Variants in ANO10 observed in about 807,000 individuals in gnomAD.
ANO10 encodes anoctamin 10.
Under a neutral mutation model 74.7 loss-of-function variants are expected in ANO10, and 77 were observed. That is an observed-to-expected ratio of 1.03 (90% CI 0.86 to 1.25). ANO10 has a LOEUF of 1.25. ANO10 is among the 50% of genes most tolerant of loss of function. The pLI is 0.00. For missense variants in ANO10, 721 were observed against 778.1 expected, an observed-to-expected ratio of 0.93 and a Z score of 0.87; for synonymous variants, 279 against 284.9, an observed-to-expected ratio of 0.98 and a Z score of 0.21.
At chr3:43,540,149 C>T (rs565707763) in intron 11 of ANO10, among the ~76,000 whole-genome samples, 81 of 152,286 alleles carry the variant, frequency 5.3e-4, no homozygotes, top group Admixed American at 9.8e-4. Flanking sequence ...ATAATTCCTT[C>T]GTTAATCAAA....
At position 43,383,453 on chromosome 3, in the gene ANO10, C is replaced by CAAA. The variant is rs1235535066; in HGVS notation, c.1915-16482_1915-16480dup. Among the ~76,000 whole-genome samples the CAAA allele has an allele frequency of 9.9e-3, 501 of 50,776 alleles. 13 individuals carry two copies. The highest frequency in any genetic ancestry group is 0.033 in the African/African-American group (472 of 14,096). The allele number at this position is 50,776 out of a possible 152,430, so 33.3% of individuals were successfully genotyped here. ...TGGGCAACAGAGCGAGACTCTGTCTCAAAAAAAAAAAAAAAAAAAAAGGAT... is the reference window on the plus strand; with the variant it reads ...TGGGCAACAGAGCGAGACTCTGTCTCAAAAAAAAAAAAAAAAAAAAAAAAGGAT... On this transcript the variant is annotated intron_variant, in intron 12 of 12. Coordinates refer to ENST00000292246, the MANE Select transcript of ANO10 (RefSeq NM_018075.5).
intron 11 of ANO10, among the ~76,000 whole-genome samples, chr3:43,442,882 T>C (rs941274541): frequency 2.6e-5 from 4 of 152,188 alleles, no homozygotes; most frequent in African/African-American, 9.7e-5. Context: ...TTGGTATAGA[T>C]TGTATAGAAA....
At chr3:43,436,218 G>C (rs2093064612) in intron 11 of ANO10, among the ~76,000 whole-genome samples, 1 of 151,976 alleles carries the variant, frequency 6.6e-6, no homozygotes, top group South Asian at 2.1e-4. Flanking sequence ...ACTGCTTTAT[G>C]CTAACTAATC....
intron 1 of ANO10, among the ~76,000 whole-genome samples, chr3:43,687,032 CAGCTGA>C (rs2084284592): frequency 6.7e-6 from 1 of 150,264 alleles, no homozygotes; most frequent in Admixed American, 6.7e-5. Flanking sequence ...GAAGTCACTA[CAGCTGA>C]TTGATGTTCA....
chr3:43,484,838 C>T (rs1000182170), intron 11 of ANO10: 1 of 531,476 alleles, frequency 1.9e-6, no homozygotes, highest in East Asian at 3.2e-5. Context: ...TTTTGGTTTA[C>T]ATCATGGAGG....
intron 1 of ANO10, among the ~76,000 whole-genome samples, chr3:43,663,875 TAA>T (rs1201570537): frequency 3.3e-5 from 5 of 152,044 alleles, no homozygotes; most frequent in Admixed American, 1.3e-4. Context: ...CTCAAGGAAA[TAA>T]GAGAGGACAC....
chr3:43,456,008 T>G (rs776706911), intron 11 of ANO10, among the ~76,000 whole-genome samples: 1 of 152,088 alleles, frequency 6.6e-6, no homozygotes, highest in Non-Finnish European at 1.5e-5. Flanking sequence ...AGAGTAACAT[T>G]AAAAAACATT....
At chr3:43,579,705 G>T (rs1421951981) in intron 5 of ANO10, among the ~76,000 whole-genome samples, 1 of 152,156 alleles carries the variant, frequency 6.6e-6, no homozygotes, top group Non-Finnish European at 1.5e-5. Context: ...GGCAACAAGA[G>T]TGAAACTCCA....
At chr3:43,604,880 C>A (rs547209921) in intron 2 of ANO10, among the ~76,000 whole-genome samples, 2 of 152,118 alleles carry the variant, frequency 1.3e-5, no homozygotes, top group African/African-American at 4.8e-5. Flanking sequence ...TTTAAGTTTC[C>A]TTCTGGTTCA....
intron 1 of ANO10, among the ~76,000 whole-genome samples, chr3:43,685,817 A>C (rs1412531215): frequency 6.6e-6 from 1 of 152,152 alleles, no homozygotes; most frequent in African/African-American, 2.4e-5. Context: ...CTATTTTTTA[A>C]AATATATTGA....
At chr3:43,406,444 G>A (rs1306313443) in intron 12 of ANO10, among the ~76,000 whole-genome samples, 3 of 151,954 alleles carry the variant, frequency 2.0e-5, no homozygotes, top group Admixed American at 2.0e-4. Flanking sequence ...CTGAAATAGG[G>A]GCAAAAAATA....
intron 7 of ANO10, among the ~76,000 whole-genome samples, chr3:43,571,694 G>A (rs2080729290): frequency 6.6e-6 from 1 of 151,536 alleles, no homozygotes; most frequent in African/African-American, 2.4e-5. Flanking sequence ...GTGGGGTGGG[G>A]GCAGGGGGGA....
At chr3:43,564,012 G>C (rs1224144642) in intron 8 of ANO10, among the ~76,000 whole-genome samples, 2 of 152,080 alleles carry the variant, frequency 1.3e-5, no homozygotes, top group Non-Finnish European at 2.9e-5. Context: ...AAATACTCGA[G>C]ATGATAGATA....
chr3:43,445,341 C>T (rs573633634), intron 11 of ANO10, among the ~76,000 whole-genome samples: 1 of 152,180 alleles, frequency 6.6e-6, no homozygotes, highest in East Asian at 1.9e-4. Flanking sequence ...CTAATTATAA[C>T]AAGTGTACCA....
chr3:43,635,045 G>A (rs573452165), intron 1 of ANO10, among the ~76,000 whole-genome samples: 22 of 152,222 alleles, frequency 1.4e-4, no homozygotes, highest in African/African-American at 4.6e-4. Context: ...CATGGAGCTG[G>A]GGCAGAAGGA....
At chr3:43,676,212 T>C (rs1352032973) in intron 1 of ANO10, among the ~76,000 whole-genome samples, 1 of 152,000 alleles carries the variant, frequency 6.6e-6, no homozygotes, top group Non-Finnish European at 1.5e-5. Context: ...GTAATCCCAA[T>C]GCTTTGGGAG....
chr3:43,614,801 A>AAGATATATATATATATATATATATATATG lies in ANO10; in HGVS notation c.-12+7107_-12+7108insCATATATATATATATATATATATATATCT, dbSNP rs1553741772. On this transcript the variant is annotated intron_variant, in intron 1 of 12. Coordinates refer to ENST00000292246, the MANE Select transcript of ANO10 (RefSeq NM_018075.5). ...TATATATATATATATATATATATATATAGGTTCATTACAGTTTTTTATGGA... is the reference window on the plus strand; with the variant it reads ...TATATATATATATATATATATATATAAGATATATATATATATATATATATATATGTAGGTTCATTACAGTTTTTTATGGA... 6.1e-3 allele frequency among the ~76,000 whole-genome samples: 608 copies of AAGATATATATATATATATATATATATATG among 99,386 alleles called. 18 individuals carry two copies. The highest frequency in any genetic ancestry group is 0.019 in the African/African-American group (576 of 31,084). The allele number at this position is 99,386 out of a possible 152,430, so 65.2% of individuals were successfully genotyped here.
chr3:43,497,246 C>T (rs962575130), intron 11 of ANO10, among the ~76,000 whole-genome samples: 3 of 152,170 alleles, frequency 2.0e-5, no homozygotes, highest in Non-Finnish European at 2.9e-5. Flanking sequence ...CAAAAGTCAG[C>T]GTGTGCACAG....
chr3:43,532,129 TC>T (rs1220221984), intron 11 of ANO10, among the ~76,000 whole-genome samples: 1 of 151,996 alleles, frequency 6.6e-6, no homozygotes, highest in African/African-American at 2.4e-5. Context: ...TCTCAAATAT[TC>T]CCCTAAAGCT....
Sources: allele counts gnomAD v4.1 joint callset (sites outside exome capture counted in the v4.1 genomes callset), GRCh38; gene constraint gnomAD v4.1.1; transcripts MANE v1.5; gene names NCBI Gene and HGNC (gene_info 2026-07-23, HGNC 2026-07-21).